WDR72: variants seen among roughly 807,000 people sequenced by gnomAD.
The protein encoded by WDR72 is WD repeat domain 72, also known as WD repeat-containing protein 72.
WDR72 carries 120 observed loss-of-function variants against 124.2 expected under a neutral mutation model. That is an observed-to-expected ratio of 0.97 (90% CI 0.83 to 1.12). The LOEUF (loss-of-function observed/expected upper bound fraction) is 1.12. Among genes scored for constraint, WDR72 ranks in the 50% most tolerant of loss-of-function variants. The probability of loss-of-function intolerance (pLI) is 0.00; values close to 1 mark genes in which losing one functional copy is unlikely to be tolerated. For missense variants in WDR72, 1,387 were observed against 1,278.8 expected, an observed-to-expected ratio of 1.08 and a Z score of -1.29; for synonymous variants, 452 against 441.7, an observed-to-expected ratio of 1.02 and a Z score of -0.29.
At position 53,573,920 on chromosome 15, in the gene WDR72, G is replaced by GATTCACATA. The variant is rs577208289; in HGVS notation, c.3148+23150_3148+23158dup. Among the ~76,000 whole-genome samples, 26 of 152,186 alleles carry GATTCACATA rather than the reference G, an allele frequency of 1.7e-4. No individual in the cohort carries two copies. In the South Asian group the frequency reaches 5.4e-3, roughly 32 times the overall value. On this transcript the variant is annotated intron_variant, in intron 18 of 19. Transcript: ENST00000360509. ...TGCATTTGTTTTTATTTCTTTAATT[G>GATTCACATA]ATTCACATATCTCAGGATATTAAAC...
chr15:53,690,207 A>G (rs2016793400), intron 13 of WDR72, among the ~76,000 whole-genome samples: 1 of 152,110 alleles, frequency 6.6e-6, no homozygotes, highest in African/African-American at 2.4e-5. Context: ...CCTAAAACTT[A>G]AAGTATAATA....
chr15:53,756,232 C>T (rs138706349), intron 1 of WDR72, among the ~76,000 whole-genome samples: 1 of 152,144 alleles, frequency 6.6e-6, no homozygotes, highest in Non-Finnish European at 1.5e-5. Context: ...CTCGCGAGAT[C>T]TGATGGTTTC....
At chr15:53,667,770 C>G (rs2015830230) in intron 13 of WDR72, among the ~76,000 whole-genome samples, 1 of 152,128 alleles carries the variant, frequency 6.6e-6, no homozygotes, top group African/African-American at 2.4e-5. Flanking sequence ...TGGGAAAGAA[C>G]TTATTGCATT....
chr15:53,639,568 A>ATAATTTTATTTATTTATAAAATTATAT (rs2014768141), intron 14 of WDR72, among the ~76,000 whole-genome samples: 1 of 147,670 alleles, frequency 6.8e-6, no homozygotes, highest in Admixed American at 6.8e-5. Flanking sequence ...AAAATTATAT[A>ATAATTTTATTTATTTATAAAATTATAT]TAATGTTATA....
chr15:53,706,371 T>TATATATATATATATATATAC (rs2017373055), intron 9 of WDR72, among the ~76,000 whole-genome samples: 7 of 52,638 alleles, frequency 1.3e-4, no homozygotes, highest in African/African-American at 5.0e-4. Context: ...TATATATATA[T>TATATATATATATATATATAC]ATATATATAT....
intron 1 of WDR72, among the ~76,000 whole-genome samples, chr15:53,737,615 G>T (rs2140627315): frequency 6.6e-6 from 1 of 152,190 alleles, no homozygotes; most frequent in Middle Eastern, 3.4e-3. Flanking sequence ...AAGGATAATA[G>T]TCTCTAGATA....
intron 18 of WDR72, 92 bp downstream of exon 18, chr15:53,596,987 C>T (rs775299407): frequency 2.3e-4 from 292 of 1,247,558 alleles, no homozygotes; most frequent in Non-Finnish European, 3.2e-4. Flanking sequence ...ATGATATAAT[C>T]GAAAATCGTT....
chr15:53,655,551 A>G (rs1161606312), intron 14 of WDR72, among the ~76,000 whole-genome samples: 1 of 152,192 alleles, frequency 6.6e-6, no homozygotes, highest in Non-Finnish European at 1.5e-5. Flanking sequence ...TGGTTGTTGT[A>G]AAACAGAGAT....
intron 18 of WDR72, among the ~76,000 whole-genome samples, chr15:53,595,231 A>G (rs553855750): frequency 6.6e-6 from 1 of 152,272 alleles, no homozygotes; most frequent in African/African-American, 2.4e-5. Context: ...GAGAGTTAAT[A>G]CCACACTTTA....
intron 1 of WDR72, among the ~76,000 whole-genome samples, chr15:53,737,354 A>C (rs1052762542): frequency 1.3e-5 from 2 of 152,202 alleles, no homozygotes; most frequent in African/African-American, 4.8e-5. Context: ...AGAATGAATA[A>C]ATGGATTAAA....
chr15:53,702,003 G>A, intron 12 of WDR72, 131 bp downstream of exon 12: 1 of 581,552 alleles, frequency 1.7e-6, no homozygotes, highest in Non-Finnish European at 2.9e-6. Flanking sequence ...TCATCCAGTT[G>A]TATTATAAGT....
At chr15:53,735,920 A>G (rs533378936) in intron 1 of WDR72, among the ~76,000 whole-genome samples, 2 of 151,694 alleles carry the variant, frequency 1.3e-5, no homozygotes, top group Admixed American at 6.6e-5. Context: ...TATTACTTCT[A>G]GAAATAAAAC....
intron 14 of WDR72, among the ~76,000 whole-genome samples, chr15:53,658,906 G>A (rs189221866): frequency 1.5e-4 from 23 of 152,252 alleles, no homozygotes; most frequent in African/African-American, 5.3e-4. Flanking sequence ...AGGTTACTAT[G>A]AACAAGAACC....
chr15:53,590,365 A>C (rs2012435410), intron 18 of WDR72, among the ~76,000 whole-genome samples: 2 of 152,044 alleles, frequency 1.3e-5, no homozygotes, highest in Admixed American at 6.6e-5. Flanking sequence ...TTCCAAATAA[A>C]AGTCTTCAAT....
chr15:53,735,373 C>T (rs1027162267), intron 1 of WDR72, among the ~76,000 whole-genome samples: 1 of 152,102 alleles, frequency 6.6e-6, no homozygotes, highest in African/African-American at 2.4e-5. Context: ...CAATGGAAAA[C>T]AGTTTGGCAG....
At chr15:53,761,555 G>A (rs2019064185), upstream of WDR72, among the ~76,000 whole-genome samples, 1 of 152,194 alleles carries the variant, frequency 6.6e-6, no homozygotes, top group African/African-American at 2.4e-5. Context: ...CATAGGCATG[G>A]TGGCTCATGC....
At chr15:53,654,556 C>T (rs2140432894) in intron 14 of WDR72, among the ~76,000 whole-genome samples, 1 of 152,324 alleles carries the variant, frequency 6.6e-6, no homozygotes, top group Middle Eastern at 3.4e-3. Flanking sequence ...GTTGTGGCCC[C>T]ATAGCTGGGC....
In WDR72 at chr15:53,711,413, A is replaced by G. The variant is rs2017534617; in HGVS notation, c.780T>C (p.Gly260=). 6.2e-7 allele frequency: 1 copy of G among 1,614,074 alleles called. No individual in the cohort carries two copies. The highest frequency in any genetic ancestry group is 8.5e-7 in the Non-Finnish European group (1 of 1,180,040). ...TTCTGTGAGCAGCAATCACTTCTCC[A>G]CCAGCAAAGAACTGCCCATTTCTAC... The part of the protein sequence containing the change: ...EVSRNGQFFA[G]GEVIAAHRIL... Residue 260 remains glycine, a synonymous_variant, in exon 8 of 20, where the codon GGT becomes GGC. Transcript: ENST00000360509.
chr15:53,751,247 A>G (rs961098323), intron 1 of WDR72, among the ~76,000 whole-genome samples: 1 of 152,012 alleles, frequency 6.6e-6, no homozygotes, highest in Non-Finnish European at 1.5e-5. Flanking sequence ...CTTTAAAAAA[A>G]AAAAAGCTTT....
Sources: allele counts gnomAD v4.1 joint callset (sites outside exome capture counted in the v4.1 genomes callset), GRCh38; gene constraint gnomAD v4.1.1; transcripts MANE v1.5; gene names NCBI Gene and HGNC (gene_info 2026-07-23, HGNC 2026-07-21).